Variants in EQTN observed in about 807,000 individuals in gnomAD.
EQTN encodes Acrosome formation associated factor.
Under a neutral mutation model 26.9 loss-of-function variants are expected in EQTN, and 29 were observed. That is an observed-to-expected ratio of 1.08 (90% CI 0.80 to 1.47). The LOEUF is 1.47. Among genes scored for constraint, EQTN ranks in the 40% most tolerant of loss-of-function variants. The probability of loss-of-function intolerance (pLI) is 0.00; values close to 1 mark genes in which losing one functional copy is unlikely to be tolerated. For synonymous variants in EQTN, 129 were observed against 120.0 expected, an observed-to-expected ratio of 1.07 and a Z score of -0.49; for missense variants, 391 against 346.1, an observed-to-expected ratio of 1.13 and a Z score of -1.03.
intron 4 of EQTN, among the ~76,000 whole-genome samples, chr9:27,291,904 C>T (rs1175023688): frequency 6.6e-6 from 1 of 152,104 alleles, no homozygotes; most frequent in African/African-American, 2.4e-5. Context: ...TGGCTCCACA[C>T]ATATTTTATA....
At chr9:27,296,546 G>A (rs1316674176) in intron 2 of EQTN, 67 bp downstream of exon 2, 23 of 1,128,366 alleles carry the variant, frequency 2.0e-5, no homozygotes, top group Non-Finnish European at 2.8e-5. Flanking sequence ...AATTTAAAAA[G>A]GACACTTAAG....
intron 4 of EQTN, 74 bp from the exon 5 acceptor site, chr9:27,291,137 A>ACGTT: frequency 7.5e-7 from 1 of 1,340,042 alleles, no homozygotes; most frequent in Non-Finnish European, 1.0e-6. Context: ...AGTTTGAGGA[A>ACGTT]CATTCGTTTG....
chr9:27,291,197 T>C (rs3739536), intron 4 of EQTN, 134 bp from the exon 5 acceptor site: 204,335 of 690,150 alleles, frequency 0.3, 32,749 homozygotes, highest in African/African-American at 0.48. Context: ...GTCAGACCTG[T>C]GGTTGGCACT....
At chr9:27,289,214 C>T (rs1462712289) in intron 6 of EQTN, among the ~76,000 whole-genome samples, 1 of 152,118 alleles carries the variant, frequency 6.6e-6, no homozygotes, top group Non-Finnish European at 1.5e-5. Context: ...TCACCTCCTC[C>T]ATTTGGTTTC....
intron 7 of EQTN, 144 bp downstream of exon 7, chr9:27,286,065 T>A: frequency 4.9e-6 from 4 of 821,898 alleles, no homozygotes; most frequent in South Asian, 2.0e-5. Context: ...CCGTGCTCCA[T>A]CCGAATAGGG....
At chr9:27,293,058 G>C (rs1414026191) in intron 3 of EQTN, among the ~76,000 whole-genome samples, 2 of 152,146 alleles carry the variant, frequency 1.3e-5, no homozygotes, top group Admixed American at 6.5e-5. Context: ...GTGACTGGAA[G>C]ACCCTTTCTT....
Position 27,284,701 on chromosome 9 carries a change from T to C in EQTN, c.*22A>G. ...GTTATTTATTCATCAATAAGATTTC[T>C]TCACCGGGTTCCTTGATTTCTTCAC... On this transcript the variant is annotated 3_prime_UTR_variant, in exon 8 of 8. Transcript: ENST00000380032. 1 of 1,598,812 alleles carries C rather than the reference T, an allele frequency of 6.3e-7. No homozygotes were observed. Among genetic ancestry groups the C allele is most frequent in the Non-Finnish European group, 8.5e-7 (1 of 1,173,304 alleles).
intron 6 of EQTN, among the ~76,000 whole-genome samples, chr9:27,287,603 C>A (rs1414944176): frequency 6.6e-6 from 1 of 152,158 alleles, no homozygotes; most frequent in East Asian, 1.9e-4. Flanking sequence ...CATGGAGTTG[C>A]TGTGAAGACT....
intron 3 of EQTN, among the ~76,000 whole-genome samples, chr9:27,292,695 T>C: frequency 6.6e-6 from 1 of 152,152 alleles, no homozygotes; most frequent in Non-Finnish European, 1.5e-5. Flanking sequence ...ATGGGGTGTC[T>C]GAGGTGGGAT....
chr9:27,296,574 A>G, intron 2 of EQTN, 39 bp downstream of exon 2: 2 of 1,328,608 alleles, frequency 1.5e-6, no homozygotes, highest in Non-Finnish European at 2.1e-6. Flanking sequence ...AGGATAATCA[A>G]CTTTTGCATA....
chr9:27,296,272 C>T (rs1215754116), intron 2 of EQTN, among the ~76,000 whole-genome samples: 1 of 152,200 alleles, frequency 6.6e-6, no homozygotes, highest in East Asian at 1.9e-4. Flanking sequence ...CGTGCCACTG[C>T]ACTCCAGCCT....
intron 6 of EQTN, among the ~76,000 whole-genome samples, 164 bp downstream of exon 6, chr9:27,289,508 C>T (rs1820185131): frequency 6.6e-6 from 1 of 152,134 alleles, no homozygotes; most frequent in African/African-American, 2.4e-5. Flanking sequence ...GCCACCGTGC[C>T]CACCTAATTT....
chr9:27,286,157 G>A, intron 7 of EQTN, 52 bp downstream of exon 7: 1 of 1,553,722 alleles, frequency 6.4e-7, no homozygotes. Context: ...AGGAGGGAGA[G>A]AATGCGATGT....
chr9:27,292,564 T>C, intron 3 of EQTN, 77 bp from the exon 4 acceptor site: 4 of 770,260 alleles, frequency 5.2e-6, no homozygotes, highest in Non-Finnish European at 8.3e-6. Flanking sequence ...TTTTAATATC[T>C]ATTAAATGGA....
At chr9:27,289,765 G>T in intron 5 of EQTN, 34 bp from the exon 6 acceptor site, 1 of 1,552,590 alleles carries the variant, frequency 6.4e-7, no homozygotes, top group Non-Finnish European at 8.8e-7. Context: ...GGTAAACAAC[G>T]TTCACTTACT....
At chr9:27,294,183 A>G (rs1820290879) in intron 3 of EQTN, 133 bp downstream of exon 3, 1 of 536,386 alleles carries the variant, frequency 1.9e-6, no homozygotes, top group Admixed American at 3.3e-5. Flanking sequence ...CAGTCACAGA[A>G]TCTACTTTAG....
Position 27,284,773 on chromosome 9 carries a change from T to G in EQTN, c.835A>C (p.Ile279Leu). Reference protein sequence around the residue: ...ESKIMTDIISIGSDNEMHEND... With the variant: ...ESKIMTDIISLGSDNEMHEND... ...TCATGCATCTCATTATCTGAGCCTA[T>G]GGAAATGATATCCGTCATTATCTTA... Residue 279 changes from isoleucine to leucine, a missense_variant, in exon 8 of 8, where the codon ATA becomes CTA. By Grantham distance (5) the Ile-to-Leu change is conservative (BLOSUM62 2). Coordinates refer to ENST00000380032, the MANE Select transcript of EQTN (RefSeq NM_020641.3). The G allele has an allele frequency of 5.0e-6, 8 of 1,614,166 alleles. No homozygotes were observed. Among genetic ancestry groups the G allele is most frequent in the Non-Finnish European group, 6.8e-6 (8 of 1,180,020 alleles).
intron 6 of EQTN, 124 bp from the exon 7 acceptor site, chr9:27,286,486 T>G: frequency 1.1e-6 from 1 of 905,086 alleles, no homozygotes; most frequent in Non-Finnish European, 1.7e-6. Flanking sequence ...CTGGCCGGTC[T>G]CCCATCCCGC....
intron 7 of EQTN, among the ~76,000 whole-genome samples, chr9:27,285,310 A>C (rs1563830173): frequency 6.6e-6 from 1 of 151,596 alleles, no homozygotes; most frequent in African/African-American, 2.4e-5. Flanking sequence ...TGCCCAGCTA[A>C]TTTTTGTATT....
Sources: allele counts gnomAD v4.1 joint callset (sites outside exome capture counted in the v4.1 genomes callset), GRCh38; gene constraint gnomAD v4.1.1; transcripts MANE v1.5; gene names NCBI Gene and HGNC (gene_info 2026-07-23, HGNC 2026-07-21).